MAP4: variants seen among roughly 807,000 people sequenced by gnomAD.
MAP4 encodes the protein microtubule associated protein 4.
A neutral mutation model predicts 170.2 loss-of-function variants in MAP4; 76 were observed. The observed-to-expected ratio is 0.45, with a 90% CI of 0.37 to 0.54. MAP4 has a LOEUF of 0.54. Among genes scored for constraint, MAP4 ranks in the 20% least tolerant of loss-of-function variants. The pLI, the probability that MAP4 is intolerant of heterozygous loss-of-function variation, is 0.00. For missense variants in MAP4, 2,506 were observed against 2,748.0 expected (o/e 0.91, Z 1.97); for synonymous variants, 909 against 994.5 (o/e 0.91, Z 1.62).
intron 1 of MAP4, among the ~76,000 whole-genome samples, chr3:48,060,292 A>G (rs1235141135): frequency 6.6e-6 from 1 of 152,176 alleles, no homozygotes; most frequent in African/African-American, 2.4e-5. Flanking sequence ...CTGCTACAGA[A>G]TAAAGTCCAA....
intron 10 of MAP4, among the ~76,000 whole-genome samples, chr3:47,877,958 C>G (rs1173528120): frequency 6.6e-6 from 1 of 152,208 alleles, no homozygotes; most frequent in Non-Finnish European, 1.5e-5. Flanking sequence ...CCTTTCCTTC[C>G]TTTCCCTATA....
rs1254077877 is a variant in MAP4, at chr3:47,870,887, C to T, written c.6220G>A (p.Ala2074Thr). ...GAGCGGACATTCTTCAGATCAGGAG[C>T]AGAAGTATTGGTGGCCAGGCGGCTG... ...RLSRLATNTS[A>T]PDLKNVRSKV... is the part of the protein sequence containing the mutation. Residue 2074 changes from alanine (A) to threonine (T), a missense_variant, in exon 15 of 21, where the codon GCT becomes ACT. By Grantham distance (58) the Ala-to-Thr change is moderately conservative. Around this residue, in one of 3 missense-constraint regions of MAP4, gnomAD observed 487 missense variants for 511.6 expected, o/e 0.95. Transcript: ENST00000683076. 4 of 1,613,194 alleles carry T rather than the reference C, an allele frequency of 2.5e-6. No homozygotes were observed. The South Asian group carries it at 3.3e-5, about 13-fold the overall frequency.
intron 1 of MAP4, among the ~76,000 whole-genome samples, chr3:48,016,012 C>G (rs1207257600): frequency 6.6e-6 from 1 of 152,198 alleles, no homozygotes; most frequent in Non-Finnish European, 1.5e-5. Context: ...CTATTACAAA[C>G]TGATGGAATT....
At chr3:48,006,610 T>A (rs1013707081) in intron 1 of MAP4, among the ~76,000 whole-genome samples, 9 of 152,106 alleles carry the variant, frequency 5.9e-5, no homozygotes, top group Admixed American at 5.9e-4. Flanking sequence ...AAAGGCCAAA[T>A]AGAAGCCCTT....
intron 1 of MAP4, among the ~76,000 whole-genome samples, chr3:48,074,725 T>TGTGTGTGTGAGA (rs756153345): frequency 6.8e-6 from 1 of 147,336 alleles, no homozygotes; most frequent in African/African-American, 2.5e-5. Context: ...TGTGTGTGTG[T>TGTGTGTGTGAGA]GATATGTCGG....
At chr3:47,951,126 C>A (rs1042149056) in intron 3 of MAP4, among the ~76,000 whole-genome samples, 1 of 152,112 alleles carries the variant, frequency 6.6e-6, no homozygotes, top group Non-Finnish European at 1.5e-5. Flanking sequence ...AAATTACATT[C>A]TTTTGACTCT....
chr3:47,857,128 C>T (rs770374360), intron 18 of MAP4, among the ~76,000 whole-genome samples: 1 of 152,232 alleles, frequency 6.6e-6, no homozygotes. Context: ...TAGAGCCAAT[C>T]CAGGTTCTCA....
At chr3:48,014,621 T>C (rs570771870) in intron 1 of MAP4, among the ~76,000 whole-genome samples, 129 of 151,924 alleles carry the variant, frequency 8.5e-4, no homozygotes, top group Admixed American at 2.4e-3. Context: ...ATTGCACCAC[T>C]GCACTCCGGC....
chr3:47,917,676 T>C (rs1279616124), intron 6 of MAP4, among the ~76,000 whole-genome samples: 3 of 151,364 alleles, frequency 2.0e-5, no homozygotes, highest in Non-Finnish European at 4.4e-5. Flanking sequence ...AAGAATAAGA[T>C]GTAAAATACT....
At chr3:48,071,218 G>A (rs1034175320) in intron 1 of MAP4, among the ~76,000 whole-genome samples, 10 of 152,116 alleles carry the variant, frequency 6.6e-5, no homozygotes, top group Non-Finnish European at 1.0e-4. Flanking sequence ...AAGAGGGAAA[G>A]GAAAATAAGT....
chr3:47,935,012 T>C (rs1229106832), intron 3 of MAP4, among the ~76,000 whole-genome samples: 1 of 152,238 alleles, frequency 6.6e-6, no homozygotes, highest in Non-Finnish European at 1.5e-5. Context: ...GATGCAAACC[T>C]CTGCAAGCTT....
chr3:48,042,319 A>T (rs145752265), intron 1 of MAP4, among the ~76,000 whole-genome samples: 1 of 152,232 alleles, frequency 6.6e-6, no homozygotes, highest in African/African-American at 2.4e-5. Context: ...GCTGGTGGGG[A>T]GAAATCCCCA....
At chr3:47,923,643 C>G (rs1254874925) in intron 4 of MAP4, among the ~76,000 whole-genome samples, 1 of 150,644 alleles carries the variant, frequency 6.6e-6, no homozygotes, top group Non-Finnish European at 1.5e-5. Context: ...AAAAACAAAC[C>G]CTTATTTTCA....
At chr3:47,996,473 G>A (rs1348674932) in intron 2 of MAP4, among the ~76,000 whole-genome samples, 1 of 152,104 alleles carries the variant, frequency 6.6e-6, no homozygotes, top group Non-Finnish European at 1.5e-5. Context: ...TCTGAGGCAC[G>A]GGTACACAGG....
At chr3:47,958,260 A>C (rs1316340505) in intron 3 of MAP4, among the ~76,000 whole-genome samples, 1 of 152,224 alleles carries the variant, frequency 6.6e-6, no homozygotes, top group East Asian at 1.9e-4. Flanking sequence ...CAACCAAAAA[A>C]GGACTGGACT....
Position 47,911,607 on chromosome 3 carries a change from G to A in MAP4, c.2814C>T (p.Thr938=), listed in dbSNP as rs533034394. ...CCTCTTTAAGTCTGATATCCAAAGG[G>A]GTTTCTACATTGTATGCAGAAACTT... The part of the protein sequence containing the change: ...LAEVSAYNVE[T]PLDIRLKEGC... The change falls in exon 9 of 21, where the codon ACC becomes ACT. Residue 938 remains threonine (T), a synonymous_variant. Coordinates refer to ENST00000683076, the MANE Select transcript of MAP4 (RefSeq NM_001385682.1). The surrounding 1 kb of genome is among the most constrained non-coding windows in gnomAD (Gnocchi z 4.0). 3 of 1,535,972 alleles carry A rather than the reference G, an allele frequency of 2.0e-6. No homozygotes were observed. Among genetic ancestry groups the A allele is most frequent in the African/African-American group, 1.4e-5 (1 of 73,092 alleles).
intron 1 of MAP4, among the ~76,000 whole-genome samples, chr3:48,057,842 G>C (rs1003846073): frequency 6.6e-6 from 1 of 151,980 alleles, no homozygotes; most frequent in Admixed American, 6.6e-5. Flanking sequence ...GTGTACAAGG[G>C]ATATCTCTGT....
intron 9 of MAP4, among the ~76,000 whole-genome samples, chr3:47,907,074 A>T (rs1258318130): frequency 6.6e-6 from 1 of 152,160 alleles, no homozygotes; most frequent in Non-Finnish European, 1.5e-5. Flanking sequence ...ACCTCAGGTG[A>T]TCCGCCTGCC....
chr3:47,885,405 T>A (rs2097416556), intron 10 of MAP4, among the ~76,000 whole-genome samples: 1 of 152,054 alleles, frequency 6.6e-6, no homozygotes, highest in Admixed American at 6.6e-5. Context: ...AATCAATTCA[T>A]CAGTCCCAGG....
Sources: gnomAD v4.1 joint callset for allele counts (sites outside exome capture counted in the v4.1 genomes callset) on GRCh38, gnomAD v4.1.1 for gene constraint, gnomAD v4.1.1 regional missense constraint, Gnocchi (gnomAD v3.1) non-coding constraint, MANE v1.5 for transcripts, NCBI Gene and HGNC (gene_info 2026-07-23, HGNC 2026-07-21) for gene names.